IMMP2L: variants seen among roughly 807,000 people sequenced by gnomAD.
IMMP2L encodes mitochondrial inner membrane protease subunit 2.
In IMMP2L, 18 loss-of-function variants were observed where a neutral mutation model predicts 19.3. The observed-to-expected ratio is 0.93, with a 90% CI of 0.64 to 1.38. The LOEUF (loss-of-function observed/expected upper bound fraction) is 1.38. IMMP2L is among the 40% of genes most tolerant of loss of function. The pLI, the probability that IMMP2L is intolerant of heterozygous loss-of-function variation, is 0.00. For missense variants in IMMP2L, 233 were observed against 218.2 expected (o/e 1.07, Z -0.43); for synonymous variants, 76 against 73.0 (o/e 1.04, Z -0.21).
chr7:110,825,581 T>C (rs926672881), intron 5 of IMMP2L, among the ~76,000 whole-genome samples: 4 of 152,044 alleles, frequency 2.6e-5, no homozygotes, highest in African/African-American at 9.7e-5. Flanking sequence ...AAACAAGAAA[T>C]GGGGAAAGGA....
intron 3 of IMMP2L, among the ~76,000 whole-genome samples, chr7:111,237,884 T>C (rs1048086454): frequency 2.0e-5 from 3 of 152,054 alleles, no homozygotes; most frequent in Admixed American, 6.6e-5. Flanking sequence ...AAGCTTTACT[T>C]TCCTGATCTG....
intron 3 of IMMP2L, among the ~76,000 whole-genome samples, chr7:111,355,478 T>A (rs1222604273): frequency 1.3e-5 from 2 of 151,750 alleles, no homozygotes; most frequent in African/African-American, 4.8e-5. Flanking sequence ...AGAATCTGTG[T>A]ATATCCTCTT....
At chr7:111,491,598 T>C (rs1246533531) in intron 2 of IMMP2L, among the ~76,000 whole-genome samples, 2 of 152,160 alleles carry the variant, frequency 1.3e-5, no homozygotes, top group Admixed American at 6.5e-5. Context: ...TCCAAAGGGC[T>C]TTACTGAGCC....
intron 5 of IMMP2L, chr7:110,724,573 G>A (rs1169955882): frequency 6.6e-6 from 1 of 151,934 alleles, no homozygotes; most frequent in African/African-American, 2.4e-5. Context: ...GAATGTTGCA[G>A]GTGGATTCTC....
intron 3 of IMMP2L, among the ~76,000 whole-genome samples, chr7:111,099,317 T>C (rs1197125914): frequency 6.6e-6 from 1 of 151,732 alleles, no homozygotes; most frequent in East Asian, 1.9e-4. Flanking sequence ...ATGATGAAGA[T>C]GAAAATAGTC....
chr7:111,384,899 A>G (rs1831581059), intron 3 of IMMP2L, among the ~76,000 whole-genome samples: 1 of 152,160 alleles, frequency 6.6e-6, no homozygotes, highest in South Asian at 2.1e-4. Flanking sequence ...AATAATGACA[A>G]AACACCTTAT....
intron 3 of IMMP2L, among the ~76,000 whole-genome samples, chr7:111,258,677 T>C (rs1189006470): frequency 6.6e-6 from 1 of 152,000 alleles, no homozygotes; most frequent in African/African-American, 2.4e-5. Context: ...TGGCTACATT[T>C]GTATTTTTAG....
chr7:111,307,914 T>A (rs949562132), intron 3 of IMMP2L, among the ~76,000 whole-genome samples: 4 of 151,844 alleles, frequency 2.6e-5, no homozygotes, highest in African/African-American at 9.7e-5. Context: ...AAATCAGGCC[T>A]GATATTAAGG....
intron 4 of IMMP2L, among the ~76,000 whole-genome samples, chr7:110,934,332 A>G (rs1191451006): frequency 6.6e-6 from 1 of 152,036 alleles, no homozygotes; most frequent in Non-Finnish European, 1.5e-5. Context: ...TGGGGTGGAG[A>G]GTTCTGTAGA....
At chr7:110,831,681 A>C (rs1375826677) in intron 5 of IMMP2L, among the ~76,000 whole-genome samples, 1 of 152,210 alleles carries the variant, frequency 6.6e-6, no homozygotes, top group Non-Finnish European at 1.5e-5. Context: ...AAGGGTTGCA[A>C]TAGCAAGTAT....
At chr7:111,287,709 A>T (rs1820649787) in intron 3 of IMMP2L, among the ~76,000 whole-genome samples, 1 of 152,132 alleles carries the variant, frequency 6.6e-6, no homozygotes, top group Admixed American at 6.6e-5. Flanking sequence ...GTTGGAGGGA[A>T]TTGATGATTA....
chr7:110,843,946 G>T (rs1269403006), intron 5 of IMMP2L, among the ~76,000 whole-genome samples: 2 of 152,152 alleles, frequency 1.3e-5, no homozygotes, highest in Non-Finnish European at 2.9e-5. Context: ...TGGGATAGGA[G>T]GAAGGGGCTG....
intron 3 of IMMP2L, among the ~76,000 whole-genome samples, chr7:111,029,259 CAG>C (rs1163250136): frequency 6.6e-6 from 1 of 152,106 alleles, no homozygotes; most frequent in Non-Finnish European, 1.5e-5. Context: ...GATGGTCAAA[CAG>C]AGAATTACAT....
At chr7:111,169,194 AT>A (rs1806164960) in intron 3 of IMMP2L, among the ~76,000 whole-genome samples, 1 of 151,878 alleles carries the variant, frequency 6.6e-6, no homozygotes, top group Non-Finnish European at 1.5e-5. Flanking sequence ...AGAAAAAGAC[AT>A]TCCCAACCTC....
chr7:110,906,285 T>C (rs1812442613), intron 4 of IMMP2L, among the ~76,000 whole-genome samples: 1 of 152,212 alleles, frequency 6.6e-6, no homozygotes, highest in Non-Finnish European at 1.5e-5. Context: ...ACATTTTAGC[T>C]GGTGGAAACA....
intron 3 of IMMP2L, among the ~76,000 whole-genome samples, chr7:111,480,504 A>G (rs1842086496): frequency 1.3e-5 from 2 of 151,540 alleles, no homozygotes; most frequent in Admixed American, 1.3e-4. Context: ...TCACTTGTAC[A>G]TATACTTAGT....
chr7:111,299,661 AATGAG>A (rs1281930651), intron 3 of IMMP2L, among the ~76,000 whole-genome samples: 1 of 152,002 alleles, frequency 6.6e-6, no homozygotes, highest in African/African-American at 2.4e-5. Context: ...TAAACTTATT[AATGAG>A]ATAACAGTTT....
intron 5 of IMMP2L, among the ~76,000 whole-genome samples, chr7:110,788,289 T>C (rs1800224939): frequency 6.6e-6 from 1 of 152,064 alleles, no homozygotes; most frequent in African/African-American, 2.4e-5. Flanking sequence ...AAGTACCTCC[T>C]AAGGGTCATC....
Position 110,963,637 on chromosome 7 carries a change from T to C in IMMP2L, c.240-72A>G, listed in dbSNP as rs10241296. 2,320 of 907,764 alleles carry C rather than the reference T, an allele frequency of 2.6e-3. 36 individuals carry two copies. In the African/African-American group the frequency reaches 0.033, roughly 13 times the overall value. The allele number at this position is 907,764 out of a possible 1,614,324, so 56.2% of individuals were successfully genotyped here. A position where few individuals can be genotyped will look rare whatever the true frequency, so the allele number is the denominator to read the frequency against. On this transcript the variant is annotated intron_variant, in intron 3 of 5. Coordinates refer to ENST00000405709, the MANE Select transcript of IMMP2L (RefSeq NM_032549.4). ...TTTAGGAAGATGAAAAGAAATTCTA[T>C]AACAAAATAGGCTATATTAAAGTCT...
Sources: allele counts gnomAD v4.1 joint callset (sites outside exome capture counted in the v4.1 genomes callset), GRCh38; gene constraint gnomAD v4.1.1; transcripts MANE v1.5; gene names NCBI Gene and HGNC (gene_info 2026-07-23, HGNC 2026-07-21).